The following PTCHD4 variants were observed in gnomAD, a reference collection of about 807,000 sequenced individuals.
PTCHD4 encodes the protein patched domain-containing protein 4.
PTCHD4 carries 33 observed loss-of-function variants against 58.1 expected under a neutral mutation model. The observed-to-expected ratio is 0.57, with a 90% confidence interval of 0.43 to 0.76. The LOEUF is 0.76. PTCHD4 is among the 30% of genes least tolerant of loss of function. PTCHD4 has a pLI of 0.00. For missense variants in PTCHD4, 1,058 were observed against 1,027.1 expected (o/e 1.03, Z -0.41); for synonymous variants, 478 against 409.6 (o/e 1.17, Z -2.02).
chr6:48,068,478 C>A lies in PTCHD4; in HGVS notation c.169G>T (p.Ala57Ser). 6.2e-7 allele frequency: 1 copy of A among 1,613,524 alleles called. No homozygotes were observed. The highest frequency in any genetic ancestry group is 8.5e-7 in the Non-Finnish European group (1 of 1,179,828). ...CCCTCGGGCTGGAAGCGGTTGAGCG[C>A]GCTGAGGCCGAAGGTGATTGTCAGG... ...AVLTITFGLS[A>S]LNRFQPEGDL... is the part of the protein sequence containing the mutation. The change falls in exon 3 of 5, where the codon GCG (alanine) becomes TCG (serine). Residue 57 changes from alanine (A) to serine (S), a missense_variant. Transcript: ENST00000339488. This position sits in a 1 kb window ranked among gnomAD's most constrained non-coding sequence, Gnocchi z 4.2.
chr6:48,010,772 G>A (rs933640647), intron 3 of PTCHD4, among the ~76,000 whole-genome samples: 1 of 151,938 alleles, frequency 6.6e-6, no homozygotes, highest in Non-Finnish European at 1.5e-5. Context: ...GATAGGCCCT[G>A]GTGTGTGATG....
chr6:47,959,138 A>G (rs1359262374), intron 4 of PTCHD4, among the ~76,000 whole-genome samples: 1 of 152,242 alleles, frequency 6.6e-6, no homozygotes, highest in African/African-American at 2.4e-5. Flanking sequence ...AAACTAAACC[A>G]GAAGTGAAAT....
At chr6:47,903,648 T>G (rs1764785971) in intron 4 of PTCHD4, among the ~76,000 whole-genome samples, 3 of 152,328 alleles carry the variant, frequency 2.0e-5, no homozygotes, top group African/African-American at 7.2e-5. Context: ...TATATATTTA[T>G]TGAATGTATA....
intron 1 of PTCHD4, among the ~76,000 whole-genome samples, chr6:48,075,477 T>TA (rs1765046814): frequency 6.6e-6 from 1 of 151,700 alleles, no homozygotes; most frequent in Non-Finnish European, 1.5e-5. Flanking sequence ...TTTAATCACT[T>TA]AACTGCTTAA....
chr6:47,940,031 G>T (rs1766151622), intron 4 of PTCHD4, among the ~76,000 whole-genome samples: 1 of 152,058 alleles, frequency 6.6e-6, no homozygotes, highest in Admixed American at 6.6e-5. Context: ...TGTTGTAAAA[G>T]ACATTGACAT....
intron 3 of PTCHD4, among the ~76,000 whole-genome samples, chr6:48,019,244 T>A (rs1562010073): frequency 6.6e-6 from 1 of 152,128 alleles, no homozygotes; most frequent in Non-Finnish European, 1.5e-5. Context: ...TGTTTATTCA[T>A]CCAAGAAAGA....
At chr6:47,945,680 T>C (rs1766389024) in intron 4 of PTCHD4, among the ~76,000 whole-genome samples, 1 of 151,932 alleles carries the variant, frequency 6.6e-6, no homozygotes, top group Non-Finnish European at 1.5e-5. Context: ...TCATTGATTT[T>C]TTTACTACCT....
Position 48,079,970 on chromosome 6 carries a change from A to ATTTT in PTCHD4, c.-969-10048_-969-10045dup, listed in dbSNP as rs141629864. 2.5e-3 allele frequency among the ~76,000 whole-genome samples: 194 copies of ATTTT among 76,126 alleles called. 11 individuals carry two copies. The highest frequency in any genetic ancestry group is 3.9e-3 in the African/African-American group (81 of 21,018). The allele number at this position is 76,126 out of a possible 152,430, so 49.9% of individuals were successfully genotyped here. On this transcript the variant is annotated intron_variant, in intron 1 of 4. Transcript: ENST00000339488. The stretch of plus-strand genomic sequence containing the variant: ...ATTCAAAACCCTGCCCCTTATGATG[A>ATTTT]TTTTTTTTTTTTTTTTTTTTTTTTT...
intron 4 of PTCHD4, among the ~76,000 whole-genome samples, chr6:48,000,339 T>A (rs764548621): frequency 6.6e-5 from 10 of 152,226 alleles, no homozygotes; most frequent in Non-Finnish European, 1.5e-4. Flanking sequence ...TTGTATATAC[T>A]GTAAACCTCA....
intron 4 of PTCHD4, among the ~76,000 whole-genome samples, chr6:48,008,211 G>A (rs187959848): frequency 1.3e-5 from 2 of 152,224 alleles, no homozygotes; most frequent in Non-Finnish European, 2.9e-5. Context: ...TTTGAGATTA[G>A]GACACATCAT....
intron 4 of PTCHD4, among the ~76,000 whole-genome samples, chr6:47,985,266 GA>G (rs1346162424): frequency 1.3e-5 from 2 of 150,942 alleles, no homozygotes; most frequent in African/African-American, 4.9e-5. Flanking sequence ...AATAAATATT[GA>G]AAAAAAAGGC....
intron 4 of PTCHD4, among the ~76,000 whole-genome samples, chr6:47,984,524 T>C (rs1767993501): frequency 6.6e-6 from 1 of 152,146 alleles, no homozygotes; most frequent in African/African-American, 2.4e-5. Context: ...ATTACAATTG[T>C]CAATGAGATT....
At chr6:47,932,665 G>A (rs983703702) in intron 4 of PTCHD4, among the ~76,000 whole-genome samples, 3 of 151,842 alleles carry the variant, frequency 2.0e-5, no homozygotes, top group Admixed American at 6.6e-5. Flanking sequence ...TAAAGCTACC[G>A]AAAAACACAG....
intron 4 of PTCHD4, among the ~76,000 whole-genome samples, chr6:47,888,648 T>C (rs577716345): frequency 7.9e-5 from 12 of 152,220 alleles, no homozygotes; most frequent in African/African-American, 2.6e-4. Flanking sequence ...TGTTTGTTTG[T>C]TTTTGTTTTT....
intron 4 of PTCHD4, among the ~76,000 whole-genome samples, chr6:47,903,192 T>C (rs567148233): frequency 6.6e-6 from 1 of 152,174 alleles, no homozygotes; most frequent in Non-Finnish European, 1.5e-5. Context: ...GCTTGACTAG[T>C]TTCTTGAATA....
intron 1 of PTCHD4, among the ~76,000 whole-genome samples, chr6:48,071,073 A>T (rs530933730): frequency 2.1e-3 from 317 of 152,354 alleles, no homozygotes; most frequent in Non-Finnish European, 3.4e-3. Flanking sequence ...CCACCCTCAG[A>T]GTTCTCTGTA....
intron 4 of PTCHD4, among the ~76,000 whole-genome samples, chr6:47,985,641 T>C (rs946884090): frequency 6.6e-6 from 1 of 152,114 alleles, no homozygotes; most frequent in Non-Finnish European, 1.5e-5. Flanking sequence ...GCTATTTGTA[T>C]TATATATCCA....
intron 3 of PTCHD4, among the ~76,000 whole-genome samples, chr6:48,023,538 G>C (rs569616258): frequency 1.5e-4 from 23 of 152,224 alleles, no homozygotes; most frequent in African/African-American, 5.3e-4. Flanking sequence ...GCAGCTTCTT[G>C]CTATCACATA....
At chr6:48,078,426 G>C (rs1443509174) in intron 1 of PTCHD4, among the ~76,000 whole-genome samples, 1 of 152,198 alleles carries the variant, frequency 6.6e-6, no homozygotes, top group Admixed American at 6.5e-5. Context: ...ATTAAATACT[G>C]CCTGCCAAAT....
Sources: allele counts gnomAD v4.1 joint callset (sites outside exome capture counted in the v4.1 genomes callset), GRCh38; gene constraint gnomAD v4.1.1; non-coding constraint Gnocchi (gnomAD v3.1); transcripts MANE v1.5; gene names NCBI Gene and HGNC (gene_info 2026-07-23, HGNC 2026-07-21).